Variants in DLGAP2 observed in about 807,000 individuals in gnomAD.
DLGAP2 encodes DLG associated protein 2, also known as disks large-associated protein 2.
In DLGAP2, 26 loss-of-function variants were observed where a neutral mutation model predicts 100.3. The observed-to-expected ratio is 0.26, with a 90% CI of 0.19 to 0.36. The LOEUF (loss-of-function observed/expected upper bound fraction) is 0.36. Ranked by LOEUF, DLGAP2 falls within the 10% of genes least tolerant of loss-of-function variation. The pLI is 1.00. For missense variants in DLGAP2, 1,858 were observed against 1,453.2 expected, an observed-to-expected ratio of 1.28 and a Z score of -4.53; for synonymous variants, 886 against 630.1, an observed-to-expected ratio of 1.41 and a Z score of -6.08.
chr8:1,666,640 A>C (rs867790169), intron 8 of DLGAP2, among the ~76,000 whole-genome samples: 2 of 151,860 alleles, frequency 1.3e-5, no homozygotes, highest in Non-Finnish European at 2.9e-5. Flanking sequence ...AGATCGCCCC[A>C]CTGCACTCCA....
intron 3 of DLGAP2, among the ~76,000 whole-genome samples, chr8:1,454,084 A>G (rs2130123189): frequency 6.6e-6 from 1 of 152,374 alleles, no homozygotes; most frequent in African/African-American, 2.4e-5. Context: ...AATCTGAGGC[A>G]CGATGAAGCC....
chr8:1,236,261 TGGTGC>T (rs1563270914), intron 2 of DLGAP2, among the ~76,000 whole-genome samples: 12 of 51,680 alleles, frequency 2.3e-4, no homozygotes, highest in African/African-American at 2.7e-4. Flanking sequence ...TTATCTCACA[TGGTGC>T]CGTTTCTAGT....
At chr8:1,151,817 T>G (rs1373136474) in intron 2 of DLGAP2, among the ~76,000 whole-genome samples, 1 of 152,184 alleles carries the variant, frequency 6.6e-6, no homozygotes, top group Non-Finnish European at 1.5e-5. Flanking sequence ...GTCAACTTAT[T>G]TTTACACAAA....
chr8:1,074,225 A>T (rs374620386), intron 2 of DLGAP2, among the ~76,000 whole-genome samples: 1 of 148,508 alleles, frequency 6.7e-6, no homozygotes, highest in Non-Finnish European at 1.5e-5. Context: ...ACCCAGGTAC[A>T]TATTCAGGAT....
intron 1 of DLGAP2, among the ~76,000 whole-genome samples, chr8:746,940 C>G (rs1820631244): frequency 6.6e-6 from 1 of 152,150 alleles, no homozygotes. Flanking sequence ...ATGGGGACAC[C>G]TTTGCAGTAA....
rs959175736 is a variant in DLGAP2, at chr8:1,707,449, A to G, written c.*6043A>G. 1.3e-5 allele frequency: 2 copies of G among 152,154 alleles called. No individual in the cohort carries two copies. The highest frequency in any genetic ancestry group is 4.8e-5 in the African/African-American group (2 of 41,406). The allele number at this position is 152,154 out of a possible 1,614,324, so 9.4% of individuals were successfully genotyped here. A position where few individuals can be genotyped will look rare whatever the true frequency, so the allele number is the denominator to read the frequency against. On this transcript the variant is annotated 3_prime_UTR_variant, in exon 15 of 15. Transcript: ENST00000637795. The stretch of plus-strand genomic sequence containing the variant: ...TACCATGCCCCAGCCCCACTCATTT[A>G]AATAATACAATCATATCACTTTCAA...
intron 2 of DLGAP2, among the ~76,000 whole-genome samples, chr8:1,042,976 T>G (rs1480518426): frequency 1.6e-5 from 2 of 121,910 alleles, no homozygotes; most frequent in Non-Finnish European, 3.5e-5. Flanking sequence ...ATGTGGGTGG[T>G]GGATGTGGGT....
At chr8:1,327,669 C>A (rs1054538800) in intron 3 of DLGAP2, among the ~76,000 whole-genome samples, 1 of 151,936 alleles carries the variant, frequency 6.6e-6, no homozygotes, top group Admixed American at 6.6e-5. Context: ...ACCATGAAAC[C>A]CCATCTCTAC....
intron 2 of DLGAP2, among the ~76,000 whole-genome samples, chr8:1,185,474 T>G (rs1797479792): frequency 6.6e-6 from 1 of 152,054 alleles, no homozygotes; most frequent in South Asian, 2.1e-4. Flanking sequence ...ATGCTGAAAT[T>G]GACTAAAAGG....
At position 1,565,945 on chromosome 8, in the gene DLGAP2, G is replaced by C. The variant is rs368905053; in HGVS notation, c.1442+51G>C. Reference sequence around the variant, plus strand: ...CTCCAAGCACTTTCCCACTGCCTGCGAGCTCCCTCTCCAAAACCACTTCAC... The same window carrying C: ...CTCCAAGCACTTTCCCACTGCCTGCCAGCTCCCTCTCCAAAACCACTTCAC... On this transcript the variant is annotated intron_variant, in intron 6 of 14. Coordinates refer to ENST00000637795, the MANE Select transcript of DLGAP2 (RefSeq NM_001346810.2). The C allele has an allele frequency of 6.7e-6, 10 of 1,484,628 alleles. No homozygotes were observed. In the South Asian group the frequency reaches 7.9e-5, roughly 12 times the overall value. The allele number at this position is 1,484,628 out of a possible 1,614,324, so 92.0% of individuals were successfully genotyped here.
chr8:1,155,283 C>G (rs535188804), intron 2 of DLGAP2, among the ~76,000 whole-genome samples: 2 of 152,252 alleles, frequency 1.3e-5, no homozygotes, highest in East Asian at 3.9e-4. Flanking sequence ...TCCGTCTTCC[C>G]GGAGGGAGTG....
intron 3 of DLGAP2, among the ~76,000 whole-genome samples, chr8:1,442,940 C>T (rs1797880475): frequency 6.6e-6 from 1 of 152,218 alleles, no homozygotes; most frequent in Admixed American, 6.5e-5. Flanking sequence ...ACCGTAAACA[C>T]GAGTTCTGAA....
At chr8:1,117,034 C>T (rs570915318) in intron 2 of DLGAP2, among the ~76,000 whole-genome samples, 2 of 152,332 alleles carry the variant, frequency 1.3e-5, no homozygotes, top group East Asian at 3.9e-4. Flanking sequence ...CAGATGAACC[C>T]TGTGCTTCTC....
intron 10 of DLGAP2, among the ~76,000 whole-genome samples, chr8:1,671,429 C>G (rs1228746452): frequency 6.6e-6 from 1 of 152,236 alleles, no homozygotes; most frequent in East Asian, 1.9e-4. Flanking sequence ...GTCATTCCTA[C>G]AAATGAACAG....
intron 1 of DLGAP2, among the ~76,000 whole-genome samples, chr8:879,113 A>G (rs1353537440): frequency 1.3e-5 from 2 of 152,176 alleles, no homozygotes; most frequent in Non-Finnish European, 2.9e-5. Context: ...TTACATTGAC[A>G]AATGCCATCT....
chr8:1,042,308 A>C (rs1802377025), intron 2 of DLGAP2, among the ~76,000 whole-genome samples: 2 of 152,210 alleles, frequency 1.3e-5, no homozygotes, highest in African/African-American at 2.4e-5. Flanking sequence ...TCCATGAGGG[A>C]GAAAATCAAC....
At chr8:1,147,630 C>T (rs542962141) in intron 2 of DLGAP2, among the ~76,000 whole-genome samples, 9 of 151,526 alleles carry the variant, frequency 5.9e-5, no homozygotes, top group African/African-American at 1.7e-4. Flanking sequence ...ACTCCTGGCT[C>T]AGGCTCTCCT....
At chr8:1,325,588 G>C (rs1023911653) in intron 3 of DLGAP2, among the ~76,000 whole-genome samples, 3 of 152,190 alleles carry the variant, frequency 2.0e-5, no homozygotes, top group East Asian at 1.9e-4. Context: ...GGATGCAAAA[G>C]GGATCTCCCC....
At chr8:995,195 A>T (rs1188047447) in intron 2 of DLGAP2, among the ~76,000 whole-genome samples, 2 of 152,134 alleles carry the variant, frequency 1.3e-5, no homozygotes, top group Non-Finnish European at 2.9e-5. Flanking sequence ...AAGCAGTATA[A>T]TTTTTTCACA....
Sources: allele counts gnomAD v4.1 joint callset (sites outside exome capture counted in the v4.1 genomes callset), GRCh38; gene constraint gnomAD v4.1.1; transcripts MANE v1.5; gene names NCBI Gene and HGNC (gene_info 2026-07-23, HGNC 2026-07-21).